Variants in KPNA7 observed in about 807,000 individuals in gnomAD.
KPNA7 encodes karyopherin subunit alpha 7, also known as importin subunit alpha-8.
In KPNA7, 54 loss-of-function variants were observed where a neutral mutation model predicts 53.7. The ratio of observed to expected loss-of-function variants is 1.01; its 90% confidence interval spans 0.81 to 1.26. The LOEUF is 1.26. Among genes scored for constraint, KPNA7 ranks in the 50% most tolerant of loss-of-function variants. The pLI, the probability that KPNA7 is intolerant of heterozygous loss-of-function variation, is 0.00. For missense variants in KPNA7, 640 were observed against 644.5 expected, an observed-to-expected ratio of 0.99 and a Z score of 0.07; for synonymous variants, 276 against 259.3, an observed-to-expected ratio of 1.06 and a Z score of -0.62.
chr7:99,150,923 C>T, the KPNA7 span, among the ~76,000 whole-genome samples: 1 of 152,142 alleles, frequency 6.6e-6, no homozygotes, highest in South Asian at 2.1e-4. Context: ...TCTAATCTTA[C>T]TTTGATTGTG....
intron 6 of KPNA7, among the ~76,000 whole-genome samples, chr7:99,188,944 C>T (rs1217728757): frequency 2.6e-5 from 4 of 151,928 alleles, no homozygotes; most frequent in South Asian, 4.2e-4. Context: ...AGCCTCCCAA[C>T]GTGCTGGGAT....
At chr7:99,218,178 T>C (rs1469316922) in intron 1 of KPNA7, among the ~76,000 whole-genome samples, 1 of 152,130 alleles carries the variant, frequency 6.6e-6, no homozygotes. Flanking sequence ...TTTTTTATTT[T>C]TTGGTAGAGA....
At chr7:99,160,494 T>C in the KPNA7 span, among the ~76,000 whole-genome samples, 4 of 152,140 alleles carry the variant, frequency 2.6e-5, no homozygotes, top group African/African-American at 9.7e-5. Flanking sequence ...TCTCGCTATG[T>C]TGCCCAGGTG....
At position 99,185,328 on chromosome 7, in the gene KPNA7, T is replaced by C. The variant is rs922027735; in HGVS notation, c.901-166A>G. On this transcript the variant is annotated intron_variant, in intron 7 of 10. Transcript: ENST00000327442. ...CTGTGATCATTATTCAATTCATCCA[T>C]GGCCTTTTAATTTATTTTTTATTTA... 3.3e-5 allele frequency among the ~76,000 whole-genome samples: 5 copies of C among 152,162 alleles called. 1 individual carries two copies. The highest frequency in any genetic ancestry group is 7.2e-5 in the African/African-American group (3 of 41,438).
At chr7:99,178,844 G>A (rs867143983) in intron 9 of KPNA7, among the ~76,000 whole-genome samples, 7 of 138,426 alleles carry the variant, frequency 5.1e-5, no homozygotes, top group African/African-American at 1.3e-4. Context: ...GTGCAGTGGC[G>A]TAATCTTGGC....
At chr7:99,154,825 C>G in the KPNA7 span, among the ~76,000 whole-genome samples, 1 of 152,064 alleles carries the variant, frequency 6.6e-6, no homozygotes, top group Non-Finnish European at 1.5e-5. Flanking sequence ...AATCTATGTT[C>G]ATGTAATATA....
At chr7:99,180,655 C>CCG (rs1266196441) in intron 9 of KPNA7, among the ~76,000 whole-genome samples, 1 of 140,902 alleles carries the variant, frequency 7.1e-6, no homozygotes, top group African/African-American at 2.5e-5. Flanking sequence ...CTCTGTCTCT[C>CCG]TCTCCCCATC....
At chr7:99,158,521 T>A in the KPNA7 span, among the ~76,000 whole-genome samples, 1 of 152,146 alleles carries the variant, frequency 6.6e-6, no homozygotes, top group East Asian at 1.9e-4. Context: ...TATTATTATT[T>A]TAGATGGAGT....
rs1387203922 is a variant in KPNA7 at position 99,195,195 on chromosome 7, G to A, written c.428C>T (p.Ser143Leu). 3 of 1,551,516 alleles carry A rather than the reference G, an allele frequency of 1.9e-6. No individual in the cohort carries two copies. The African/African-American group carries it at 4.1e-5, about 21-fold the overall frequency. ...EAAWALTNIA[S>L]GTSEQTRAVV... ...GGCACGAGTCTGCTCCGAAGTCCCT[G>A]AAGCGATGTTGGTCAGGGCCCAGGC... Residue 143 changes from serine (S) to leucine (L), a missense_variant, in exon 5 of 11, where the codon TCA (serine) becomes TTA (leucine). Coordinates refer to ENST00000327442, the MANE Select transcript of KPNA7 (RefSeq NM_001145715.3).
chr7:99,146,739 A>G, the KPNA7 span, among the ~76,000 whole-genome samples: 2 of 123,668 alleles, frequency 1.6e-5, no homozygotes, highest in South Asian at 2.7e-4. Context: ...AAAAAAAAAA[A>G]AAAAAAAAAC....
chr7:99,205,278 T>A (rs1192784065), intron 2 of KPNA7, among the ~76,000 whole-genome samples: 1 of 147,646 alleles, frequency 6.8e-6, no homozygotes, highest in Non-Finnish European at 1.5e-5. Context: ...AAAAAAAAAA[T>A]TAGCCGGGCA....
intron 10 of KPNA7, among the ~76,000 whole-genome samples, chr7:99,175,480 G>A (rs1322492765): frequency 1.4e-5 from 2 of 146,354 alleles, no homozygotes; most frequent in Admixed American, 6.9e-5. Context: ...CACCTGGCTT[G>A]AGAGCTTTAT....
intron 5 of KPNA7, 80 bp from the exon 6 acceptor site, chr7:99,193,181 G>T (rs117558584): frequency 2.1e-5 from 18 of 838,062 alleles, no homozygotes; most frequent in Non-Finnish European, 3.2e-5. Flanking sequence ...TTAAGAGTGT[G>T]CAAAGGGCAA....
chr7:99,164,614 C>T, the KPNA7 span, among the ~76,000 whole-genome samples: 1 of 136,128 alleles, frequency 7.3e-6, no homozygotes, highest in African/African-American at 2.7e-5. Context: ...GCACATGTAC[C>T]CTAAAACTTA....
chr7:99,207,031 G>A (rs572454711), intron 2 of KPNA7, among the ~76,000 whole-genome samples: 4 of 150,978 alleles, frequency 2.6e-5, no homozygotes, highest in Non-Finnish European at 5.9e-5. Flanking sequence ...CCACCTCCCT[G>A]CCCCCCGCTA....
intron 1 of KPNA7, among the ~76,000 whole-genome samples, chr7:99,218,240 G>A (rs900625334): frequency 6.6e-6 from 1 of 152,134 alleles, no homozygotes; most frequent in African/African-American, 2.4e-5. Flanking sequence ...TCTCCCTTCA[G>A]CCTCCTGAGT....
At chr7:99,146,701 G>T in the KPNA7 span, among the ~76,000 whole-genome samples, 4 of 126,634 alleles carry the variant, frequency 3.2e-5, no homozygotes, top group African/African-American at 6.7e-5. Context: ...AATAGAGCGA[G>T]ACTGTGTCTT....
chr7:99,156,297 ACTTGG>A, the KPNA7 span, among the ~76,000 whole-genome samples: 8 of 152,130 alleles, frequency 5.3e-5, no homozygotes, highest in Non-Finnish European at 1.2e-4. Flanking sequence ...TTCCCTCAGA[ACTTGG>A]AATTTTTCTA....
the KPNA7 span, among the ~76,000 whole-genome samples, chr7:99,149,992 T>G: frequency 6.6e-6 from 1 of 151,952 alleles, no homozygotes; most frequent in African/African-American, 2.4e-5. Flanking sequence ...AGAGACAGGG[T>G]TTCACCATGT....
Sources: allele counts gnomAD v4.1 joint callset (sites outside exome capture counted in the v4.1 genomes callset), GRCh38; gene constraint gnomAD v4.1.1; transcripts MANE v1.5; gene names NCBI Gene and HGNC (gene_info 2026-07-23, HGNC 2026-07-21).